The following SLC9A7 variants were observed in gnomAD, a reference collection of about 807,000 sequenced individuals.
The protein encoded by SLC9A7 is solute carrier family 9 member A7, also known as sodium/hydrogen exchanger 7.
In SLC9A7, 19 loss-of-function variants were observed where a neutral mutation model predicts 52.6. That is an observed-to-expected ratio of 0.36 (90% CI 0.25 to 0.53). SLC9A7 has a LOEUF of 0.53. Among genes scored for constraint, SLC9A7 ranks in the 20% least tolerant of loss-of-function variants. SLC9A7 has a pLI of 0.91. For missense variants in SLC9A7, 455 were observed against 597.9 expected (o/e 0.76, Z 2.49); for synonymous variants, 226 against 252.1 (o/e 0.90, Z 0.98).
At chrX:46,681,809 G>GACA (rs753310017) in intron 2 of SLC9A7, among the ~76,000 whole-genome samples, 5 of 112,225 alleles carry the variant, frequency 4.5e-5, no homozygotes, top group African/African-American at 1.3e-4. Flanking sequence ...CAAATTCTAA[G>GACA]ACAACAAGAT....
intron 1 of SLC9A7, among the ~76,000 whole-genome samples, chrX:46,697,699 A>G (rs1944467708): frequency 8.9e-6 from 1 of 111,856 alleles, no homozygotes; most frequent in African/African-American, 3.3e-5. Context: ...TGTGTGTTTG[A>G]GCAATATGAA....
chrX:46,691,955 A>C (rs1162478875), intron 1 of SLC9A7, among the ~76,000 whole-genome samples: 2 of 111,433 alleles, frequency 1.8e-5, no homozygotes, highest in African/African-American at 6.5e-5. Context: ...TTTATTTAGA[A>C]GACTCTCCCA....
chrX:46,620,175 C>A (rs1426936527), intron 15 of SLC9A7, among the ~76,000 whole-genome samples: 1 of 111,496 alleles, frequency 9.0e-6, no homozygotes, highest in Non-Finnish European at 1.9e-5. Context: ...AATCCCAGCA[C>A]CTTGGGAGGC....
chrX:46,688,381 T>C (rs1944328799), intron 1 of SLC9A7, among the ~76,000 whole-genome samples: 1 of 111,204 alleles, frequency 9.0e-6, no homozygotes, highest in Non-Finnish European at 1.9e-5. Flanking sequence ...GCAGATCACC[T>C]GAGATCAGGA....
chrX:46,709,029 G>T (rs1466037730), intron 1 of SLC9A7, among the ~76,000 whole-genome samples: 1 of 111,250 alleles, frequency 9.0e-6, no homozygotes, highest in Admixed American at 9.6e-5. Flanking sequence ...GTGGTAAGGA[G>T]GAAAGGAGCT....
intron 1 of SLC9A7, among the ~76,000 whole-genome samples, chrX:46,702,752 C>T (rs1268216410): frequency 8.9e-6 from 1 of 112,346 alleles, no homozygotes; most frequent in Non-Finnish European, 1.9e-5. Context: ...CATATGAATG[C>T]ATGTGTCTTT....
intron 1 of SLC9A7, among the ~76,000 whole-genome samples, chrX:46,722,074 GGTGGGTGTGTGTGTGGGT>G (rs778323781): frequency 3.5e-4 from 39 of 111,272 alleles, no homozygotes; most frequent in Non-Finnish European, 7.0e-4. Context: ...GTTTCTCTCT[GGTGGGTGTGTGTGTGGGT>G]GTGGGGGTGT....
intron 14 of SLC9A7, among the ~76,000 whole-genome samples, chrX:46,625,338 C>T (rs1943108938): frequency 9.2e-6 from 1 of 109,254 alleles, no homozygotes; most frequent in Non-Finnish European, 1.9e-5. Context: ...GATCCTGTTA[C>T]ACTACCTGGC....
At chrX:46,736,151 T>C (rs1261820417) in intron 1 of SLC9A7, among the ~76,000 whole-genome samples, 1 of 112,156 alleles carries the variant, frequency 8.9e-6, no homozygotes, top group Non-Finnish European at 1.9e-5. Context: ...TTTGACATTG[T>C]TACTCTTCTC....
intron 1 of SLC9A7, among the ~76,000 whole-genome samples, chrX:46,684,135 C>T (rs1042963215): frequency 1.8e-5 from 2 of 112,127 alleles, no homozygotes; most frequent in East Asian, 5.5e-4. Context: ...TCTTAATAAT[C>T]TCAATCTGAC....
chrX:46,665,557 C>CAAAAAAAAAAAAAAAAAA (rs754854403), intron 5 of SLC9A7, among the ~76,000 whole-genome samples: 14 of 21,744 alleles, frequency 6.4e-4, no homozygotes, highest in East Asian at 1.7e-3. Context: ...GACTCCATCT[C>CAAAAAAAAAAAAAAAAAA]AAAAAAAAAA....
Position 46,687,945 on chromosome X carries a change from T to C in SLC9A7, c.326-5410A>G, listed in dbSNP as rs182915372. Among the ~76,000 whole-genome samples the C allele has an allele frequency of 8.5e-3, 957 of 112,414 alleles. 6 individuals are homozygous for C. The highest frequency in any genetic ancestry group is 0.015 in the Non-Finnish European group (777 of 53,310). ...ATGGTGTCATACAATATGTAGCCTC[T>C]TGTGTCTGGCTTCTTTCACTTAGTA... On this transcript the variant is annotated intron_variant, in intron 1 of 16. Coordinates refer to ENST00000616978, the MANE Select transcript of SLC9A7 (RefSeq NM_001257291.2).
Position 46,759,042 on chromosome X carries a change from C to A in SLC9A7, c.-13G>T. 1 of 916,802 alleles carries A rather than the reference C, an allele frequency of 1.1e-6. No individual in the cohort carries two copies. 75.6% of individuals were successfully genotyped at this position (916,802 alleles called of 1,213,427 possible). ...CACCAGGCTCCATGGTCCCGGGGCC[C>A]CCCGCGCCTCCTCCGAGCGGGGACC... is the stretch of plus-strand genomic sequence containing the variant. On this transcript the variant is annotated 5_prime_UTR_variant, in exon 1 of 17. Coordinates refer to ENST00000616978, the MANE Select transcript of SLC9A7 (RefSeq NM_001257291.2).
chrX:46,625,530 C>G (rs1602145303), intron 14 of SLC9A7, among the ~76,000 whole-genome samples: 1 of 109,615 alleles, frequency 9.1e-6, no homozygotes. Context: ...GCCATCATGG[C>G]GAAACCCGGT....
intron 1 of SLC9A7, among the ~76,000 whole-genome samples, chrX:46,746,795 T>C (rs565411993): frequency 2.7e-5 from 3 of 112,660 alleles, no homozygotes; most frequent in African/African-American, 9.7e-5. Context: ...ACTGGGTATA[T>C]ACCCAAAACA....
At chrX:46,747,496 TA>T (rs1780690566) in intron 1 of SLC9A7, among the ~76,000 whole-genome samples, 1 of 111,446 alleles carries the variant, frequency 9.0e-6, no homozygotes. Flanking sequence ...ATATTGTTTT[TA>T]AAAAAACAGG....
At chrX:46,649,448 G>A (rs182354757) in intron 10 of SLC9A7, among the ~76,000 whole-genome samples, 29 of 112,313 alleles carry the variant, frequency 2.6e-4, no homozygotes, top group African/African-American at 9.4e-4. Flanking sequence ...ATGTTTTTTG[G>A]AGATGTAAGA....
Position 46,653,797 on chromosome X carries a change from C to T in SLC9A7, c.1042-83G>A, listed in dbSNP as rs1030862901. On this transcript the variant is annotated intron_variant, in intron 7 of 16. Coordinates refer to ENST00000616978, the MANE Select transcript of SLC9A7 (RefSeq NM_001257291.2). Reference sequence around the variant, plus strand: ...CATACTCCACTAGCCCAGGACCCCTCCCCAAAGGGCTAGCCTTTCCCTTCA... The same window carrying T: ...CATACTCCACTAGCCCAGGACCCCTTCCCAAAGGGCTAGCCTTTCCCTTCA... 3.5e-5 allele frequency: 23 copies of T among 651,793 alleles called. 1 individual carries two copies. In the South Asian group the frequency reaches 6.6e-4, roughly 19 times the overall value. 53.7% of individuals were successfully genotyped at this position (651,793 alleles called of 1,213,427 possible).
chrX:46,664,091 C>T (rs949855262), intron 5 of SLC9A7, among the ~76,000 whole-genome samples: 1 of 111,730 alleles, frequency 9.0e-6, no homozygotes, highest in African/African-American at 3.3e-5. Flanking sequence ...TGAGAACCAC[C>T]GATCTAGATA....
Sources: allele counts gnomAD v4.1 joint callset (sites outside exome capture counted in the v4.1 genomes callset), GRCh38; gene constraint gnomAD v4.1.1; transcripts MANE v1.5; gene names NCBI Gene and HGNC (gene_info 2026-07-23, HGNC 2026-07-21).